Variants in SF3B3 observed in about 807,000 individuals in gnomAD.
SF3B3 encodes the protein SAP 130.
SF3B3 carries 33 observed loss-of-function variants against 139.2 expected under a neutral mutation model. The ratio of observed to expected loss-of-function variants is 0.24; its 90% CI spans 0.18 to 0.32. The LOEUF is 0.32. Ranked by LOEUF, SF3B3 falls within the 10% of genes least tolerant of loss-of-function variation. The pLI, the probability that SF3B3 is intolerant of heterozygous loss-of-function variation, is 1.00. For missense variants in SF3B3, 818 were observed against 1,509.4 expected, an observed-to-expected ratio of 0.54 and a Z score of 7.59; for synonymous variants, 596 against 563.6, an observed-to-expected ratio of 1.06 and a Z score of -0.81.
At chr16:70,561,463 A>T in intron 16 of SF3B3, 167 bp from the exon 17 acceptor site, 8 of 620,258 alleles carry the variant, frequency 1.3e-5, no homozygotes, top group East Asian at 2.7e-5. Flanking sequence ...GCTAAGCCAT[A>T]GTGCCTCTCT....
At chr16:70,565,646 C>A in intron 20 of SF3B3, 122 bp downstream of exon 20, 1 of 896,766 alleles carries the variant, frequency 1.1e-6, no homozygotes, top group Non-Finnish European at 1.7e-6. Context: ...CTCTTACCAG[C>A]ACATGGAAAA....
chr16:70,556,323 C>T lies in SF3B3; in HGVS notation c.1855C>T (p.Leu619=). The change falls in exon 14 of 26, where the codon CTG becomes TTG. Residue 619 remains leucine, a synonymous_variant. Transcript: ENST00000302516. ...GGACAACACTGTCAGAATCATCTCC[C>T]TGGATCCCTCAGTGAGTGACACTCT... ...LVDNTVRIIS[L]DPSDCLQPLS... The T allele has an allele frequency of 6.2e-7, 1 of 1,614,208 alleles. No individual in the cohort carries two copies. The highest frequency in any genetic ancestry group is 2.2e-5 in the East Asian group (1 of 44,884).
At chr16:70,527,246 T>C (rs2050073127) in intron 2 of SF3B3, among the ~76,000 whole-genome samples, 1 of 152,248 alleles carries the variant, frequency 6.6e-6, no homozygotes, top group African/African-American at 2.4e-5. Flanking sequence ...GTGGGGAATA[T>C]TTTTGTAAAG....
chr16:70,529,335 C>T (rs1052717453), intron 3 of SF3B3, 136 bp downstream of exon 3: 12 of 680,066 alleles, frequency 1.8e-5, no homozygotes, highest in Non-Finnish European at 2.2e-5. Context: ...TTTAAAGTTG[C>T]ATTTCCTTTT....
chr16:70,535,482 C>A, intron 6 of SF3B3, 62 bp downstream of exon 6: 1 of 893,056 alleles, frequency 1.1e-6, no homozygotes, highest in Non-Finnish European at 1.7e-6. Flanking sequence ...ACAGTGTAGT[C>A]TCTTAGTTTG....
intron 8 of SF3B3, among the ~76,000 whole-genome samples, chr16:70,539,475 A>G (rs7196295): frequency 0.032 from 4,829 of 152,042 alleles, 288 homozygotes; most frequent in African/African-American, 0.11. Flanking sequence ...TTGAATCTGG[A>G]AGGTGGAGAT....
At chr16:70,562,131 T>G (rs2050434719) in intron 17 of SF3B3, among the ~76,000 whole-genome samples, 1 of 152,248 alleles carries the variant, frequency 6.6e-6, no homozygotes. Context: ...CTCTGTCTTG[T>G]CATTTGCGGT....
At chr16:70,538,797 T>C (rs1447046632) in intron 7 of SF3B3, among the ~76,000 whole-genome samples, 1 of 152,250 alleles carries the variant, frequency 6.6e-6, no homozygotes, top group Non-Finnish European at 1.5e-5. Context: ...CTGTGAGTTG[T>C]TGGGCAATTT....
chr16:70,539,248 A>G, intron 8 of SF3B3, 41 bp downstream of exon 8: 1 of 1,463,506 alleles, frequency 6.8e-7, no homozygotes, highest in African/African-American at 1.4e-5. Flanking sequence ...CCTGGTTGGG[A>G]TAAAAGTTGG....
rs2050562671 is a variant in SF3B3, at chr16:70,574,845, A to G, written c.*3032A>G. 6.6e-6 allele frequency: 1 copy of G among 152,210 alleles called. No homozygotes were observed. The allele number at this position is 152,210 out of a possible 1,614,324, so 9.4% of individuals were successfully genotyped here. A position where few individuals can be genotyped will look rare whatever the true frequency, so the allele number is the denominator to read the frequency against. ...AAAATGACATGTGTTTGAGTCATCC[A>G]CTTGCTCATTTGCATATGGAATATT... On this transcript the variant is annotated 3_prime_UTR_variant, in exon 26 of 26. Transcript: ENST00000302516.
intron 16 of SF3B3, among the ~76,000 whole-genome samples, chr16:70,560,979 G>A (rs1010266799): frequency 1.3e-4 from 20 of 151,842 alleles, no homozygotes; most frequent in African/African-American, 4.8e-4. Flanking sequence ...GAATGTTAGT[G>A]TTTCTGGGCA....
At chr16:70,538,166 G>A (rs1258028202) in intron 6 of SF3B3, 157 bp from the exon 7 acceptor site, 1 of 765,066 alleles carries the variant, frequency 1.3e-6, no homozygotes, top group Non-Finnish European at 2.4e-6. Context: ...ATTTTGAGCT[G>A]TGGGGTTCCA....
At position 70,538,303 on chromosome 16, in the gene SF3B3, T is replaced by C. The variant is rs1371422997; in HGVS notation, c.826-20T>C. 3 of 1,609,782 alleles carry C rather than the reference T, an allele frequency of 1.9e-6. No individual in the cohort carries two copies. Among genetic ancestry groups the C allele is most frequent in the South Asian group, 2.2e-5 (2 of 90,878 alleles). ...AAGTACCCATTTCTAAGACATTGAT[T>C]GTGTTTTTGACTTTGCTAGAATGAC... On this transcript the variant is annotated intron_variant, in intron 6 of 25. Transcript: ENST00000302516.
chr16:70,556,444 G>A (rs2050380426), intron 14 of SF3B3, 110 bp downstream of exon 14: 1 of 1,247,088 alleles, frequency 8.0e-7, no homozygotes, highest in Non-Finnish European at 1.2e-6. Flanking sequence ...GATCAGCTGG[G>A]TTAGAACCCA....
chr16:70,555,477 C>CAAAAA (rs33955800), intron 13 of SF3B3, among the ~76,000 whole-genome samples: 4 of 73,104 alleles, frequency 5.5e-5, no homozygotes, highest in African/African-American at 1.1e-4. Context: ...GACTCCGTCT[C>CAAAAA]AAAAAAAAAA....
intron 15 of SF3B3, among the ~76,000 whole-genome samples, chr16:70,558,813 TC>T (rs2050401974): frequency 6.6e-6 from 1 of 152,216 alleles, no homozygotes; most frequent in African/African-American, 2.4e-5. Context: ...CTCAGGCTGG[TC>T]TTGAACTCCT....
Position 70,523,914 on chromosome 16 carries a change from CCTT to C in SF3B3, c.-82_-80del, listed in dbSNP as rs1567404927. 4.3e-6 allele frequency: 2 copies of C among 464,300 alleles called. No individual in the cohort carries two copies. Among genetic ancestry groups the C allele is most frequent in the South Asian group, 9.1e-5 (2 of 21,926 alleles). The allele number at this position is 464,300 out of a possible 1,614,324, so 28.8% of individuals were successfully genotyped here. On this transcript the variant is annotated 5_prime_UTR_variant, in exon 1 of 26. Transcript: ENST00000302516. ...AGCATCCGTTGGATATCCACACCAT[CCTT>C]CTCGCTGCAGGGTAAAAAAACAGCC...
At chr16:70,545,936 A>G (rs1379534133) in intron 10 of SF3B3, among the ~76,000 whole-genome samples, 1 of 152,182 alleles carries the variant, frequency 6.6e-6, no homozygotes, top group African/African-American at 2.4e-5. Flanking sequence ...CAAAATTTCA[A>G]TGACTCAGAC....
At chr16:70,532,731 G>A in intron 5 of SF3B3, 111 bp downstream of exon 5, 1 of 992,764 alleles carries the variant, frequency 1.0e-6, no homozygotes, top group Non-Finnish European at 1.5e-6. Context: ...TTGTGAACCT[G>A]AATACCTTAT....
Sources: gnomAD v4.1 joint callset for allele counts (sites outside exome capture counted in the v4.1 genomes callset) on GRCh38, gnomAD v4.1.1 for gene constraint, MANE v1.5 for transcripts, NCBI Gene and HGNC (gene_info 2026-07-23, HGNC 2026-07-21) for gene names.